ZFAT: variants seen among roughly 807,000 people sequenced by gnomAD.
ZFAT encodes zinc finger and AT-hook domain containing.
ZFAT carries 64 observed loss-of-function variants against 117.7 expected under a neutral mutation model. The observed-to-expected ratio is 0.54, with a 90% CI of 0.44 to 0.67. The LOEUF (loss-of-function observed/expected upper bound fraction) is 0.67. Ranked by LOEUF, ZFAT falls within the 30% of genes least tolerant of loss-of-function variation. The pLI is 0.00. For synonymous variants in ZFAT, 679 were observed against 615.0 expected (o/e 1.10, Z -1.54); for missense variants, 1,433 against 1,584.5 (o/e 0.90, Z 1.62).
the ZFAT span, among the ~76,000 whole-genome samples, chr8:134,751,943 A>T: frequency 6.6e-6 from 1 of 152,194 alleles, no homozygotes; most frequent in African/African-American, 2.4e-5. Context: ...CAGGGAATCC[A>T]CCTGGCTCAT....
At chr8:134,793,571 C>T in the ZFAT span, 1 of 152,198 alleles carries the variant, frequency 6.6e-6, no homozygotes, top group African/African-American at 2.4e-5. Flanking sequence ...ATCCCTCACA[C>T]GCACAGTTCA....
the ZFAT span, among the ~76,000 whole-genome samples, chr8:134,718,143 TA>T: frequency 6.6e-6 from 1 of 152,238 alleles, no homozygotes; most frequent in African/African-American, 2.4e-5. Context: ...TTTGACTGTG[TA>T]AATGTTTAGG....
At chr8:134,502,886 C>G (rs1819099733) in intron 15 of ZFAT, among the ~76,000 whole-genome samples, 1 of 152,214 alleles carries the variant, frequency 6.6e-6, no homozygotes, top group South Asian at 2.1e-4. Flanking sequence ...ACTGAGGCCC[C>G]AGCACACAGT....
intron 4 of ZFAT, among the ~76,000 whole-genome samples, 176 bp from the exon 5 acceptor site, chr8:134,609,055 G>A (rs1828122250): frequency 6.6e-6 from 1 of 152,118 alleles, no homozygotes; most frequent in Non-Finnish European, 1.5e-5. Context: ...GTGTGAGTGT[G>A]TGCATGTGTT....
At chr8:134,492,343 T>C (rs1295796747) in intron 15 of ZFAT, among the ~76,000 whole-genome samples, 1 of 152,262 alleles carries the variant, frequency 6.6e-6, no homozygotes, top group Non-Finnish European at 1.5e-5. Context: ...GTGCAATTCA[T>C]TATTTCCTCC....
intron 1 of ZFAT, among the ~76,000 whole-genome samples, chr8:134,702,710 C>T (rs1484462450): frequency 2.7e-5 from 4 of 149,960 alleles, no homozygotes; most frequent in Admixed American, 6.7e-5. Context: ...CTCACGCTGT[C>T]GCCCAGGCTG....
intron 3 of ZFAT, among the ~76,000 whole-genome samples, chr8:134,613,791 A>G (rs1828525338): frequency 1.3e-5 from 2 of 152,188 alleles, no homozygotes; most frequent in African/African-American, 4.8e-5. Flanking sequence ...TCTCTTCCTC[A>G]GCTGGGTATT....
At chr8:134,623,816 C>T (rs953003005) in intron 3 of ZFAT, among the ~76,000 whole-genome samples, 3 of 151,964 alleles carry the variant, frequency 2.0e-5, no homozygotes, top group African/African-American at 7.3e-5. Context: ...CTTCAGTGCT[C>T]GACGTCTCTG....
At chr8:134,777,806 G>A in the ZFAT span, among the ~76,000 whole-genome samples, 43,949 of 152,032 alleles carry the variant, frequency 0.29, 6,556 homozygotes, top group South Asian at 0.33. Context: ...ATGACAATTA[G>A]GCTATAAGGA....
chr8:134,787,145 CTAAGT>C, the ZFAT span, among the ~76,000 whole-genome samples: 1 of 152,186 alleles, frequency 6.6e-6, no homozygotes, highest in Non-Finnish European at 1.5e-5. Flanking sequence ...CTGTGTCTGG[CTAAGT>C]TATCTTTTCT....
chr8:134,696,463 G>A, intron 1 of ZFAT: 4 of 985,700 alleles, frequency 4.1e-6, no homozygotes, highest in Non-Finnish European at 4.8e-6. Context: ...AGAGTAGGAG[G>A]GATGCTGGGC....
In ZFAT at chr8:134,602,625, T is replaced by C; in HGVS notation, c.1094A>G (p.Asp365Gly). Residue 365 changes from aspartate to glycine, a missense_variant, in exon 6 of 16, where the codon GAC becomes GGC. Physicochemically the swap from Asp to Gly is moderately conservative, Grantham distance 94 (BLOSUM62 -1). Around this residue, in one of 5 missense-constraint regions of ZFAT, gnomAD observed 436 missense variants for 482.0 expected, o/e 0.90. Coordinates refer to ENST00000377838, the MANE Select transcript of ZFAT (RefSeq NM_020863.4). The stretch of plus-strand genomic sequence containing the variant: ...GATGTGCTTGATGAGGTTCTTGACG[T>C]CAGAGTACTTCTTCTTGCAGAAGCG... ...HCRFCKKKYS[D>G]VKNLIKHIRD... is the part of the protein sequence containing the mutation. 6.2e-7 allele frequency: 1 copy of C among 1,614,178 alleles called. No homozygotes were observed. Among genetic ancestry groups the C allele is most frequent in the Non-Finnish European group, 8.5e-7 (1 of 1,180,036 alleles).
At chr8:134,781,430 A>G in the ZFAT span, among the ~76,000 whole-genome samples, 3 of 152,166 alleles carry the variant, frequency 2.0e-5, no homozygotes, top group Admixed American at 1.3e-4. Flanking sequence ...GCATTTTAAT[A>G]CCCATTTTCT....
At chr8:134,785,612 T>C in the ZFAT span, 6 of 152,108 alleles carry the variant, frequency 3.9e-5, no homozygotes, top group African/African-American at 1.4e-4. Flanking sequence ...TGCCATTTAT[T>C]GAAAAGTTAC....
chr8:134,555,353 A>G (rs1173669293), intron 11 of ZFAT, among the ~76,000 whole-genome samples: 2 of 152,254 alleles, frequency 1.3e-5, no homozygotes, highest in East Asian at 3.8e-4. Context: ...ATTCAGCATA[A>G]ATCGCATTGT....
chr8:134,629,573 T>A (rs1829748758), intron 3 of ZFAT, among the ~76,000 whole-genome samples: 1 of 152,134 alleles, frequency 6.6e-6, no homozygotes, highest in South Asian at 2.1e-4. Flanking sequence ...GTGGATTTCC[T>A]CCTTACTGTT....
intron 2 of ZFAT, among the ~76,000 whole-genome samples, chr8:134,650,061 C>T (rs1214413052): frequency 6.6e-6 from 1 of 152,142 alleles, no homozygotes; most frequent in Non-Finnish European, 1.5e-5. Context: ...CTGTAAGTTT[C>T]CTGAGGCCTC....
intron 15 of ZFAT, among the ~76,000 whole-genome samples, chr8:134,502,917 G>T (rs1363760915): frequency 6.6e-6 from 1 of 152,178 alleles, no homozygotes; most frequent in Non-Finnish European, 1.5e-5. Context: ...CTAGCACATT[G>T]CAGGAAAACA....
At chr8:134,718,303 C>A in the ZFAT span, among the ~76,000 whole-genome samples, 1 of 152,058 alleles carries the variant, frequency 6.6e-6, no homozygotes, top group East Asian at 1.9e-4. Context: ...TCAAGAGCAG[C>A]ATGGCCAAAA....
Sources: gnomAD v4.1 joint callset for allele counts (sites outside exome capture counted in the v4.1 genomes callset) on GRCh38, gnomAD v4.1.1 for gene constraint, gnomAD v4.1.1 regional missense constraint, MANE v1.5 for transcripts, NCBI Gene and HGNC (gene_info 2026-07-23, HGNC 2026-07-21) for gene names.